TMEM161B: variants seen among roughly 807,000 people sequenced by gnomAD.
TMEM161B encodes the protein transmembrane protein 161B.
In TMEM161B, 34 loss-of-function variants were observed where a neutral mutation model predicts 61.8. The observed-to-expected ratio is 0.55, with a 90% CI of 0.42 to 0.73. TMEM161B has a LOEUF of 0.73. TMEM161B is among the 30% of genes least tolerant of loss of function. TMEM161B has a pLI of 0.00. For missense variants in TMEM161B, 456 were observed against 558.5 expected, an observed-to-expected ratio of 0.82 and a Z score of 1.85; for synonymous variants, 167 against 192.8, an observed-to-expected ratio of 0.87 and a Z score of 1.11.
intron 1 of TMEM161B, among the ~76,000 whole-genome samples, chr5:88,257,251 C>A (rs1755104278): frequency 6.6e-6 from 1 of 152,158 alleles, no homozygotes; most frequent in Non-Finnish European, 1.5e-5. Context: ...GCCTGGGCAA[C>A]AGAGCAAGAA....
At chr5:88,203,457 G>A (rs1205751802) in intron 8 of TMEM161B, among the ~76,000 whole-genome samples, 2 of 151,652 alleles carry the variant, frequency 1.3e-5, no homozygotes, top group African/African-American at 4.8e-5. Context: ...ACTTTATATA[G>A]TCAACGAATC....
At chr5:88,228,323 G>A (rs887296819) in intron 3 of TMEM161B, 122 bp downstream of exon 3, 4 of 714,492 alleles carry the variant, frequency 5.6e-6, no homozygotes, top group African/African-American at 5.5e-5. Flanking sequence ...CATGGGTTTT[G>A]ATCTCAAATT....
downstream of TMEM161B, among the ~76,000 whole-genome samples, chr5:88,192,538 C>T (rs556723073): frequency 6.6e-6 from 1 of 152,304 alleles, no homozygotes; most frequent in African/African-American, 2.4e-5. Context: ...TCAGAGTCTT[C>T]ATGGCACATA....
rs778283808 is a variant in TMEM161B, at chr5:88,207,129, A to C, written c.498T>G (p.Gly166=). The C allele has an allele frequency of 6.9e-5, 112 of 1,613,178 alleles. No homozygotes were observed. The highest frequency in any genetic ancestry group is 8.6e-5 in the Non-Finnish European group (102 of 1,179,550). The part of the protein sequence containing the change: ...TTHYFKVEDG[G]ERSVCVTFGF... ...CAAAGGTGACACAAACAGATCTTTCACCACCATCTTCTACTTTAAAATAGT... is the reference window on the plus strand; with the variant it reads ...CAAAGGTGACACAAACAGATCTTTCCCCACCATCTTCTACTTTAAAATAGT... The change falls in exon 6 of 12, where the codon GGT becomes GGG. Residue 166 remains glycine, a synonymous_variant. Coordinates refer to ENST00000296595, the MANE Select transcript of TMEM161B (RefSeq NM_153354.5).
chr5:88,254,231 T>C (rs1754690745), intron 1 of TMEM161B, among the ~76,000 whole-genome samples: 1 of 152,146 alleles, frequency 6.6e-6, no homozygotes, highest in African/African-American at 2.4e-5. Context: ...AACAGAGGTC[T>C]CACAGTTTAT....
At chr5:88,220,440 A>T in intron 5 of TMEM161B, 123 bp downstream of exon 5, 2 of 825,332 alleles carry the variant, frequency 2.4e-6, no homozygotes, top group Non-Finnish European at 3.4e-6. Flanking sequence ...ATTTTCAATT[A>T]CATAAAAAAG....
chr5:88,247,079 C>A (rs1453652530), intron 1 of TMEM161B, among the ~76,000 whole-genome samples: 1 of 152,032 alleles, frequency 6.6e-6, no homozygotes, highest in African/African-American at 2.4e-5. Context: ...CTTTCCACAT[C>A]TATTAACCTA....
At chr5:88,192,675 C>G (rs1020891603), downstream of TMEM161B, among the ~76,000 whole-genome samples, 1 of 152,116 alleles carries the variant, frequency 6.6e-6, no homozygotes, top group African/African-American at 2.4e-5. Flanking sequence ...AAATCTGATT[C>G]CTTAAGACAC....
chr5:88,238,215 G>A (rs900722539), intron 2 of TMEM161B, among the ~76,000 whole-genome samples: 10 of 151,372 alleles, frequency 6.6e-5, no homozygotes, highest in Admixed American at 2.0e-4. Flanking sequence ...TCCATGATTG[G>A]CTGAATCCAG....
chr5:88,237,608 C>T (rs1199883207), intron 2 of TMEM161B, among the ~76,000 whole-genome samples: 1 of 151,950 alleles, frequency 6.6e-6, no homozygotes, highest in African/African-American at 2.4e-5. Flanking sequence ...CCACACCTCC[C>T]TAGCTCAATG....
intron 1 of TMEM161B, among the ~76,000 whole-genome samples, chr5:88,260,480 C>T (rs1755545270): frequency 6.6e-6 from 1 of 152,146 alleles, no homozygotes. Flanking sequence ...GAGTCAGGGT[C>T]TCACTCTGTT....
chr5:88,205,504 T>C (rs1169819513), intron 8 of TMEM161B, among the ~76,000 whole-genome samples: 2 of 152,080 alleles, frequency 1.3e-5, no homozygotes, highest in Non-Finnish European at 2.9e-5. Context: ...GGGAAATTTC[T>C]ATGGATCCTC....
chr5:88,190,856 T>TA (rs1748750184), downstream of TMEM161B, among the ~76,000 whole-genome samples: 1 of 152,224 alleles, frequency 6.6e-6, no homozygotes. Context: ...ATTTACTTGT[T>TA]ATAGATTCTT....
At chr5:88,240,972 T>C (rs954107483) in intron 1 of TMEM161B, 56 bp from the exon 2 acceptor site, 32 of 1,255,516 alleles carry the variant, frequency 2.5e-5, no homozygotes, top group Non-Finnish European at 3.2e-5. Flanking sequence ...TTGGGGACAT[T>C]GCTGGAAAAC....
At chr5:88,208,596 A>G (rs1746049906) in intron 5 of TMEM161B, among the ~76,000 whole-genome samples, 1 of 152,096 alleles carries the variant, frequency 6.6e-6, no homozygotes, top group Admixed American at 6.5e-5. Flanking sequence ...GAGCCGAGAT[A>G]GCACCACTGC....
chr5:88,254,745 G>C (rs1003752237), intron 1 of TMEM161B, among the ~76,000 whole-genome samples: 1 of 152,004 alleles, frequency 6.6e-6, no homozygotes, highest in African/African-American at 2.4e-5. Flanking sequence ...AGAAGGCTGA[G>C]GTGAGAGAAT....
chr5:88,224,179 ATCATT>A (rs1749560561), intron 4 of TMEM161B, among the ~76,000 whole-genome samples: 1 of 152,196 alleles, frequency 6.6e-6, no homozygotes, highest in African/African-American at 2.4e-5. Context: ...AAAAACACGC[ATCATT>A]TCATTTATCA....
At chr5:88,247,556 C>T (rs1240502598) in intron 1 of TMEM161B, among the ~76,000 whole-genome samples, 1 of 152,022 alleles carries the variant, frequency 6.6e-6, no homozygotes, top group Non-Finnish European at 1.5e-5. Flanking sequence ...TCATTTGTTT[C>T]TTGACTGTTT....
chr5:88,203,951 A>G (rs1744962247), intron 8 of TMEM161B, among the ~76,000 whole-genome samples: 2 of 151,622 alleles, frequency 1.3e-5, no homozygotes, highest in Admixed American at 6.6e-5. Context: ...TTATTTTAGA[A>G]AAAACGCAAA....
Sources: gnomAD v4.1 joint callset for allele counts (sites outside exome capture counted in the v4.1 genomes callset) on GRCh38, gnomAD v4.1.1 for gene constraint, MANE v1.5 for transcripts, NCBI Gene and HGNC (gene_info 2026-07-23, HGNC 2026-07-21) for gene names.